PPP2R2B: variants seen among roughly 807,000 people sequenced by gnomAD.
PPP2R2B encodes serine/threonine-protein phosphatase 2A 55 kDa regulatory subunit B beta isoform.
A neutral mutation model predicts 46.0 loss-of-function variants in PPP2R2B; 5 were observed. The observed-to-expected ratio is 0.11, with a 90% CI of 0.06 to 0.23. The LOEUF (loss-of-function observed/expected upper bound fraction) is 0.23. Among genes scored for constraint, PPP2R2B ranks in the 10% least tolerant of loss-of-function variants. PPP2R2B has a pLI of 1.00. For synonymous variants in PPP2R2B, 215 were observed against 206.7 expected, an observed-to-expected ratio of 1.04 and a Z score of -0.34; for missense variants, 367 against 575.0, an observed-to-expected ratio of 0.64 and a Z score of 3.70.
intron 2 of PPP2R2B, among the ~76,000 whole-genome samples, chr5:146,793,278 C>T (rs922543579): frequency 7.2e-5 from 11 of 151,966 alleles, no homozygotes; most frequent in African/African-American, 1.7e-4. Flanking sequence ...GAAGTTCAGT[C>T]GGAAATATTA....
chr5:147,010,965 T>G (rs1396877016), intron 1 of PPP2R2B, among the ~76,000 whole-genome samples: 1 of 152,106 alleles, frequency 6.6e-6, no homozygotes. Context: ...GAAACCTGAC[T>G]CAGGCCTTGG....
chr5:146,706,240 C>T, intron 2 of PPP2R2B: 1 of 472,440 alleles, frequency 2.1e-6, no homozygotes, highest in Non-Finnish European at 4.0e-6. Context: ...ACACCAGCTT[C>T]CCATCTCGGG....
intron 2 of PPP2R2B, among the ~76,000 whole-genome samples, chr5:146,734,671 C>T (rs777320845): frequency 7.2e-5 from 11 of 152,130 alleles, no homozygotes; most frequent in Non-Finnish European, 1.6e-4. Context: ...CCTCGTGAGA[C>T]TGAGATGCAG....
At chr5:146,639,904 C>T (rs905111581) in intron 6 of PPP2R2B, among the ~76,000 whole-genome samples, 4 of 152,264 alleles carry the variant, frequency 2.6e-5, no homozygotes, top group Admixed American at 2.6e-4. Context: ...GGAGTTTATG[C>T]ACCACATTTT....
chr5:146,982,308 CT>C (rs1753215263), intron 1 of PPP2R2B, among the ~76,000 whole-genome samples: 1 of 151,952 alleles, frequency 6.6e-6, no homozygotes, highest in Non-Finnish European at 1.5e-5. Context: ...TCAAGACTTC[CT>C]TTTTGACCCA....
chr5:146,871,104 T>C (rs1029985212), intron 2 of PPP2R2B, among the ~76,000 whole-genome samples: 3 of 152,176 alleles, frequency 2.0e-5, no homozygotes, highest in African/African-American at 7.2e-5. Flanking sequence ...TAGAGTTCTA[T>C]TGGAGTCAAA....
intron 1 of PPP2R2B, among the ~76,000 whole-genome samples, chr5:146,917,260 A>C (rs1300509436): frequency 1.3e-5 from 2 of 152,224 alleles, no homozygotes; most frequent in African/African-American, 4.8e-5. Flanking sequence ...GCTGTGCACT[A>C]TAAAGCCTTT....
chr5:147,054,189 C>T (rs1373947520), intron 1 of PPP2R2B, among the ~76,000 whole-genome samples: 1 of 152,100 alleles, frequency 6.6e-6, no homozygotes, highest in Admixed American at 6.6e-5. Flanking sequence ...AATTAATACA[C>T]AAGACAGCAA....
intron 2 of PPP2R2B, among the ~76,000 whole-genome samples, chr5:147,067,454 T>C (rs1484989844): frequency 6.6e-6 from 1 of 152,186 alleles, no homozygotes; most frequent in Non-Finnish European, 1.5e-5. Flanking sequence ...TCATGTCCTC[T>C]AGATTCATCA....
intron 5 of PPP2R2B, among the ~76,000 whole-genome samples, chr5:146,652,759 C>T (rs898043430): frequency 1.1e-3 from 43 of 37,886 alleles, no homozygotes; most frequent in Non-Finnish European, 2.6e-3. Context: ...TAGGAGGCAA[C>T]ACCCCCCCCC....
chr5:146,946,666 T>G (rs1764492355), intron 1 of PPP2R2B, among the ~76,000 whole-genome samples: 1 of 152,114 alleles, frequency 6.6e-6, no homozygotes. Context: ...TAAAATCTTT[T>G]CTATGTCTAA....
chr5:146,982,225 A>C (rs550903540), intron 1 of PPP2R2B, among the ~76,000 whole-genome samples: 8 of 151,964 alleles, frequency 5.3e-5, no homozygotes, highest in Non-Finnish European at 7.4e-5. Flanking sequence ...TTTGCTTTTC[A>C]TTTGTTGCCA....
intron 2 of PPP2R2B, among the ~76,000 whole-genome samples, chr5:146,774,686 G>T (rs894863149): frequency 2.0e-5 from 3 of 151,944 alleles, no homozygotes; most frequent in Non-Finnish European, 4.4e-5. Flanking sequence ...GCGTGGTGGT[G>T]CATGCCAGTA....
At chr5:147,052,997 T>C (rs1002085383) in intron 1 of PPP2R2B, among the ~76,000 whole-genome samples, 4 of 152,070 alleles carry the variant, frequency 2.6e-5, no homozygotes, top group Non-Finnish European at 5.9e-5. Context: ...GATAATGCCT[T>C]TGATACACTA....
intron 1 of PPP2R2B, among the ~76,000 whole-genome samples, chr5:146,911,370 C>A (rs541607172): frequency 1.3e-5 from 2 of 152,170 alleles, no homozygotes; most frequent in Non-Finnish European, 2.9e-5. Flanking sequence ...GGGTAAGCCA[C>A]GGTGGCCAGC....
intron 5 of PPP2R2B, among the ~76,000 whole-genome samples, chr5:146,684,365 G>A (rs1452014872): frequency 6.6e-6 from 1 of 152,198 alleles, no homozygotes; most frequent in Non-Finnish European, 1.5e-5. Context: ...TCTGGCCTGG[G>A]GTTCCCCCTC....
intron 2 of PPP2R2B, among the ~76,000 whole-genome samples, chr5:146,838,850 C>A (rs1759454683): frequency 1.3e-5 from 2 of 152,306 alleles, no homozygotes; most frequent in Non-Finnish European, 2.9e-5. Flanking sequence ...CAAATGACTG[C>A]CTTCCCAAGG....
At chr5:146,710,561 G>C (rs987459270) in intron 2 of PPP2R2B, among the ~76,000 whole-genome samples, 16 of 152,258 alleles carry the variant, frequency 1.1e-4, no homozygotes, top group African/African-American at 3.6e-4. Flanking sequence ...GAAAAATCCA[G>C]TGGGAAATTG....
At chr5:146,793,170 C>T (rs556195969) in intron 2 of PPP2R2B, among the ~76,000 whole-genome samples, 2 of 152,292 alleles carry the variant, frequency 1.3e-5, no homozygotes, top group East Asian at 3.9e-4. Context: ...TAAAGAATGA[C>T]TGCAAGGTTT....
Sources: gnomAD v4.1 joint callset for allele counts (sites outside exome capture counted in the v4.1 genomes callset) on GRCh38, gnomAD v4.1.1 for gene constraint, MANE v1.5 for transcripts, NCBI Gene and HGNC (gene_info 2026-07-23, HGNC 2026-07-21) for gene names.